The following PASD1 variants were observed in gnomAD, a reference collection of about 807,000 sequenced individuals.
PASD1 encodes circadian clock protein PASD1.
In PASD1, 13 loss-of-function variants were observed where a neutral mutation model predicts 58.8. The ratio of observed to expected loss-of-function variants is 0.22; its 90% CI spans 0.14 to 0.35. The LOEUF (loss-of-function observed/expected upper bound fraction) is 0.35. Ranked by LOEUF, PASD1 falls within the 10% of genes least tolerant of loss-of-function variation. The pLI, the probability that PASD1 is intolerant of heterozygous loss-of-function variation, is 1.00. For missense variants in PASD1, 734 were observed against 568.3 expected, an observed-to-expected ratio of 1.29 and a Z score of -2.96; for synonymous variants, 236 against 216.7, an observed-to-expected ratio of 1.09 and a Z score of -0.78.
rs1569407307 is a variant in PASD1 at position 151,621,471 on chromosome X, C to G, written c.308-11C>G. ...TGTAGACTTGTTTTGTATTTCTTCT[C>G]TTTTTACTAGAAACACATATTGAAT... On this transcript the variant is annotated splice_polypyrimidine_tract_variant and intron_variant, in intron 5 of 15. Coordinates refer to ENST00000370357, the MANE Select transcript of PASD1 (RefSeq NM_173493.3). 6 of 1,148,709 alleles carry G rather than the reference C, an allele frequency of 5.2e-6. No homozygotes were observed. 94.7% of individuals were successfully genotyped at this position (1,148,709 alleles called of 1,213,427 possible). A position where few individuals can be genotyped will look rare whatever the true frequency, so the allele number is the denominator to read the frequency against.
Position 151,676,610 on chromosome X carries a change from T to C in PASD1, c.*467T>C, listed in dbSNP as rs2014550071. ...TGATGATCAACCTGCCTCCCCTCCA[T>C]AGTCTTGTTGGAGAAGCCCAGAGAG... On this transcript the variant is annotated 3_prime_UTR_variant, in exon 16 of 16. Coordinates refer to ENST00000370357, the MANE Select transcript of PASD1 (RefSeq NM_173493.3). The C allele has an allele frequency of 8.8e-6, 1 of 114,277 alleles. No individual in the cohort carries two copies. The highest frequency in any genetic ancestry group is 9.3e-5 in the Admixed American group (1 of 10,717). 9.4% of individuals were successfully genotyped at this position (114,277 alleles called of 1,213,427 possible). A position where few individuals can be genotyped will look rare whatever the true frequency, so the allele number is the denominator to read the frequency against.
intron 1 of PASD1, among the ~76,000 whole-genome samples, chrX:151,589,123 A>C (rs770176464): frequency 8.6e-4 from 96 of 111,493 alleles, no homozygotes; most frequent in Non-Finnish European, 1.7e-3. Context: ...CCCTTTCCCC[A>C]TTCCTACATG....
chrX:151,629,479 C>T lies in PASD1; in HGVS notation c.629+3949C>T, dbSNP rs190855528. Among the ~76,000 whole-genome samples the T allele has an allele frequency of 2.0e-4, 22 of 111,640 alleles. No homozygotes were observed. In the East Asian group the frequency reaches 6.2e-3, roughly 31 times the overall value. On this transcript the variant is annotated intron_variant, in intron 8 of 15. Coordinates refer to ENST00000370357, the MANE Select transcript of PASD1 (RefSeq NM_173493.3). ...GTTTGGCTCCTAGGAGTGGGGAGCA[C>T]GTGCACGACCAAGCTTAAGACTTCT...
chrX:151,670,966 G>C, intron 11 of PASD1, 72 bp from the exon 12 acceptor site: 11 of 1,070,326 alleles, frequency 1.0e-5, no homozygotes, highest in Non-Finnish European at 1.2e-5. Context: ...AAATTTTGAA[G>C]TGAAACAGGA....
chrX:151,630,113 T>C (rs190683753), intron 8 of PASD1, among the ~76,000 whole-genome samples: 63 of 112,344 alleles, frequency 5.6e-4, no homozygotes, highest in African/African-American at 2.0e-3. Flanking sequence ...TTGTTTATCA[T>C]GTAGGAAGTA....
intron 4 of PASD1, among the ~76,000 whole-genome samples, chrX:151,619,406 A>T (rs1487559483): frequency 5.4e-5 from 6 of 111,427 alleles, no homozygotes; most frequent in Non-Finnish European, 1.1e-4. Context: ...GTGAGTCATT[A>T]ACAGATAGGT....
In PASD1 at chrX:151,623,425, C is replaced by T. The variant is rs1425400037; in HGVS notation, c.546+361C>T. 2.7e-5 allele frequency among the ~76,000 whole-genome samples: 3 copies of T among 110,437 alleles called. No homozygotes were observed. In the East Asian group the frequency reaches 8.4e-4, roughly 31 times the overall value. ...CTACGTGAGTTTTGAGGCAGCTCCA[C>T]CACAACCCCATTGGGTAGCTGATTG... On this transcript the variant is annotated intron_variant, in intron 7 of 15. Transcript: ENST00000370357.
chrX:151,579,361 T>G (rs1602905541), intron 1 of PASD1, among the ~76,000 whole-genome samples: 1 of 111,892 alleles, frequency 8.9e-6, no homozygotes, highest in South Asian at 3.7e-4. Context: ...TTTAATAAAC[T>G]CAAGTGAGGA....
intron 1 of PASD1, among the ~76,000 whole-genome samples, chrX:151,591,516 A>G (rs1261113438): frequency 8.9e-6 from 1 of 111,959 alleles, no homozygotes; most frequent in Non-Finnish European, 1.9e-5. Context: ...ACTTATGTAA[A>G]CAGCTATTTC....
intron 1 of PASD1, among the ~76,000 whole-genome samples, chrX:151,571,645 G>A: frequency 8.9e-6 from 1 of 112,242 alleles, no homozygotes; most frequent in East Asian, 2.8e-4. Flanking sequence ...GTCAAATAGA[G>A]GTTGGAGTTT....
chrX:151,642,969 CTG>C (rs1340024618), intron 8 of PASD1, among the ~76,000 whole-genome samples: 2 of 111,399 alleles, frequency 1.8e-5, no homozygotes, highest in Non-Finnish European at 3.8e-5. Flanking sequence ...TGGGAGGAAA[CTG>C]GAGTCCATGA....
chrX:151,571,612 A>G (rs1363762811), intron 1 of PASD1, among the ~76,000 whole-genome samples: 2 of 112,534 alleles, frequency 1.8e-5, no homozygotes, highest in Non-Finnish European at 3.7e-5. Context: ...ACTCATGTCT[A>G]TGTGGTCAAA....
At chrX:151,674,288 G>A in intron 15 of PASD1, 102 bp downstream of exon 15, 2 of 1,044,718 alleles carry the variant, frequency 1.9e-6, no homozygotes, top group Non-Finnish European at 2.6e-6. Context: ...GTGTGTGAGA[G>A]CCAGACTTCA....
chrX:151,597,708 T>C (rs1028116926), intron 1 of PASD1, among the ~76,000 whole-genome samples: 1 of 112,075 alleles, frequency 8.9e-6, no homozygotes, highest in African/African-American at 3.2e-5. Context: ...TTTTAAATTA[T>C]TTTGTTTACT....
intron 11 of PASD1, among the ~76,000 whole-genome samples, chrX:151,669,630 G>A (rs1166328255): frequency 9.0e-6 from 1 of 111,167 alleles, no homozygotes; most frequent in Non-Finnish European, 1.9e-5. Context: ...TCACATATGA[G>A]TGAGAACATG....
intron 3 of PASD1, among the ~76,000 whole-genome samples, chrX:151,605,866 G>C (rs1045872301): frequency 1.8e-5 from 2 of 111,906 alleles, no homozygotes; most frequent in African/African-American, 3.2e-5. Context: ...GATTACATGC[G>C]TGAGCCACTG....
In PASD1 at chrX:151,592,272, A is replaced by G. The variant is rs2124242007; in HGVS notation, c.-27-9255A>G. Among the ~76,000 whole-genome samples, 4 of 112,409 alleles carry G rather than the reference A, an allele frequency of 3.6e-5. 1 individual carries two copies. The South Asian group carries it at 1.5e-3, about 42-fold the overall frequency. ...TGGGAAGATCTGATAAATTGATGAT[A>G]TTGAGACATCCCTTACACAGACTTC... On this transcript the variant is annotated intron_variant, in intron 1 of 15. Transcript: ENST00000370357.
chrX:151,576,937 A>G (rs1408781143), intron 1 of PASD1, among the ~76,000 whole-genome samples: 1 of 112,265 alleles, frequency 8.9e-6, no homozygotes, highest in Non-Finnish European at 1.9e-5. Context: ...TATAAATCTT[A>G]AGATATAACA....
chrX:151,584,023 C>T (rs982404361), intron 1 of PASD1, among the ~76,000 whole-genome samples: 1 of 111,755 alleles, frequency 8.9e-6, no homozygotes, highest in African/African-American at 3.3e-5. Context: ...TATATAGGCA[C>T]ATTCCTAGTG....
Sources: gnomAD v4.1 joint callset for allele counts (sites outside exome capture counted in the v4.1 genomes callset) on GRCh38, gnomAD v4.1.1 for gene constraint, MANE v1.5 for transcripts, NCBI Gene and HGNC (gene_info 2026-07-23, HGNC 2026-07-21) for gene names.